The following RBFOX1 variants were observed in gnomAD, a reference collection of about 807,000 sequenced individuals.
The protein encoded by RBFOX1 is RNA binding protein fox-1 homolog 1.
Under a neutral mutation model 57.7 loss-of-function variants are expected in RBFOX1, and 8 were observed. That is an observed-to-expected ratio of 0.14 (90% confidence interval 0.08 to 0.25). The LOEUF (loss-of-function observed/expected upper bound fraction) is 0.25, where lower values mean the gene tolerates loss of function less well. Ranked by LOEUF, RBFOX1 falls within the 10% of genes least tolerant of loss-of-function variation. The pLI is 1.00. For missense variants in RBFOX1, 611 were observed against 548.5 expected (o/e 1.11, Z -1.14); for synonymous variants, 326 against 222.4 (o/e 1.47, Z -4.15).
intron 4 of RBFOX1, among the ~76,000 whole-genome samples, chr16:7,489,295 C>G (rs559968702): frequency 1.6e-3 from 248 of 152,242 alleles, no homozygotes; most frequent in African/African-American, 5.4e-3. Flanking sequence ...TAAGCATTTA[C>G]TAAATGACAG....
At chr16:5,330,769 G>A (rs976510924) in intron 1 of RBFOX1, among the ~76,000 whole-genome samples, 2 of 151,458 alleles carry the variant, frequency 1.3e-5, no homozygotes, top group Non-Finnish European at 2.9e-5. Context: ...CATCATTTAA[G>A]GATGTTAAAA....
At chr16:7,252,171 A>G (rs879498237) in intron 4 of RBFOX1, among the ~76,000 whole-genome samples, 1 of 152,246 alleles carries the variant, frequency 6.6e-6, no homozygotes, top group Non-Finnish European at 1.5e-5. Flanking sequence ...TATTTCTTAC[A>G]TCATCAAAAA....
chr16:7,211,383 C>G (rs887429184), intron 4 of RBFOX1, among the ~76,000 whole-genome samples: 1 of 114,074 alleles, frequency 8.8e-6, no homozygotes, highest in African/African-American at 3.7e-5. Flanking sequence ...CAGAGTGAGA[C>G]TGCCTCTCAA....
At position 6,931,344 on chromosome 16, in the gene RBFOX1, C is replaced by CTATCT. The variant is rs1168215526; in HGVS notation, c.-15-120713_-15-120712insTATCT. 7.9e-3 allele frequency among the ~76,000 whole-genome samples: 917 copies of CTATCT among 115,690 alleles called. 7 individuals are homozygous for CTATCT. Among genetic ancestry groups the CTATCT allele is most frequent in the South Asian group, 0.027 (94 of 3,512 alleles). The allele number at this position is 115,690 out of a possible 152,430, so 75.9% of individuals were successfully genotyped here. A position where few individuals can be genotyped will look rare whatever the true frequency, so the allele number is the denominator to read the frequency against. ...ATCTATCTATCTATCTATCTCTACA[C>CTATCT]ACACACACACACACACACATACATA... is the stretch of plus-strand genomic sequence containing the variant. On this transcript the variant is annotated intron_variant, in intron 3 of 15. Coordinates refer to ENST00000550418, the MANE Select transcript of RBFOX1 (RefSeq NM_018723.4).
intron 1 of RBFOX1, among the ~76,000 whole-genome samples, chr16:5,241,843 A>G (rs2062175491): frequency 6.6e-6 from 1 of 152,238 alleles, no homozygotes; most frequent in East Asian, 1.9e-4. Context: ...GCTCAAGCCA[A>G]TAATTCCAGC....
intron 2 of RBFOX1, among the ~76,000 whole-genome samples, chr16:5,502,182 G>C (rs1222387942): frequency 6.6e-6 from 1 of 152,186 alleles, no homozygotes; most frequent in East Asian, 1.9e-4. Flanking sequence ...AGTAGGGGGT[G>C]AATGAGATGG....
chr16:7,141,953 C>T (rs2073896049), intron 4 of RBFOX1, among the ~76,000 whole-genome samples: 1 of 152,078 alleles, frequency 6.6e-6, no homozygotes, highest in Admixed American at 6.6e-5. Context: ...CAGCGGGATC[C>T]TATTTCTTAT....
At chr16:7,625,914 G>A (rs1781063293) in intron 10 of RBFOX1, among the ~76,000 whole-genome samples, 1 of 152,150 alleles carries the variant, frequency 6.6e-6, no homozygotes, top group South Asian at 2.1e-4. Flanking sequence ...ATGAGGATAG[G>A]AAGATAAACA....
chr16:6,749,567 G>A (rs367897185), intron 3 of RBFOX1, among the ~76,000 whole-genome samples: 6 of 152,272 alleles, frequency 3.9e-5, no homozygotes, highest in East Asian at 1.9e-4. Context: ...CAGCCATGCC[G>A]ATTTCAAAGC....
intron 2 of RBFOX1, among the ~76,000 whole-genome samples, chr16:6,554,408 C>T (rs765887666): frequency 1.5e-4 from 23 of 151,924 alleles, no homozygotes; most frequent in Non-Finnish European, 2.9e-5. Flanking sequence ...CAAATGTGCA[C>T]GAGGCTTCCC....
At chr16:6,823,106 G>T (rs2091584809) in intron 3 of RBFOX1, among the ~76,000 whole-genome samples, 1 of 152,106 alleles carries the variant, frequency 6.6e-6, no homozygotes, top group South Asian at 2.1e-4. Context: ...AGCATCAGAG[G>T]GTCATAGCCA....
chr16:6,780,309 ATATT>A (rs1210807672), intron 3 of RBFOX1, among the ~76,000 whole-genome samples: 1 of 70,124 alleles, frequency 1.4e-5, no homozygotes, highest in Non-Finnish European at 2.2e-5. Flanking sequence ...ATACATATAT[ATATT>A]TATTCATATT....
intron 11 of RBFOX1, among the ~76,000 whole-genome samples, chr16:7,638,171 T>G (rs954386930): frequency 6.6e-6 from 1 of 152,196 alleles, no homozygotes; most frequent in African/African-American, 2.4e-5. Context: ...AGCCCTGAAA[T>G]CATGATGATA....
chr16:7,054,544 G>C (rs1449547238), intron 4 of RBFOX1, among the ~76,000 whole-genome samples: 1 of 141,296 alleles, frequency 7.1e-6, no homozygotes, highest in African/African-American at 2.5e-5. Flanking sequence ...CCAAACCTGG[G>C]TGGGGGGGCA....
chr16:6,069,363 A>G (rs1002838366), intron 1 of RBFOX1, among the ~76,000 whole-genome samples: 1 of 143,254 alleles, frequency 7.0e-6, no homozygotes, highest in African/African-American at 2.6e-5. Flanking sequence ...GTGCCAGTGC[A>G]CTCCAGCCTG....
At chr16:6,193,356 T>TTATATA (rs61247347) in intron 1 of RBFOX1, among the ~76,000 whole-genome samples, 2 of 64,598 alleles carry the variant, frequency 3.1e-5, no homozygotes, top group African/African-American at 9.2e-5. Flanking sequence ...TATATATACA[T>TTATATA]TATATATATA....
At chr16:5,776,191 G>T (rs777301183) in intron 3 of RBFOX1, among the ~76,000 whole-genome samples, 2 of 152,212 alleles carry the variant, frequency 1.3e-5, no homozygotes, top group Non-Finnish European at 2.9e-5. Flanking sequence ...AGGCTGTTTG[G>T]GTTGGTGCTT....
At chr16:6,804,051 G>A (rs552675338) in intron 3 of RBFOX1, among the ~76,000 whole-genome samples, 72 of 151,464 alleles carry the variant, frequency 4.8e-4, no homozygotes, top group African/African-American at 1.7e-3. Flanking sequence ...CTGTCACCCT[G>A]GCTAGAGTGC....
At chr16:7,117,805 G>A (rs888695398) in intron 4 of RBFOX1, among the ~76,000 whole-genome samples, 2 of 152,158 alleles carry the variant, frequency 1.3e-5, no homozygotes, top group Non-Finnish European at 2.9e-5. Flanking sequence ...GTTCTCATTA[G>A]AGACTCATCT....
Sources: allele counts gnomAD v4.1 joint callset (sites outside exome capture counted in the v4.1 genomes callset), GRCh38; gene constraint gnomAD v4.1.1; transcripts MANE v1.5; gene names NCBI Gene and HGNC (gene_info 2026-07-23, HGNC 2026-07-21).